The following INPP5A variants were observed in gnomAD, a reference collection of about 807,000 sequenced individuals.
The protein encoded by INPP5A is inositol polyphosphate-5-phosphatase A, also known as 43 kDa inositol polyphosphate 5-phophatase.
A neutral mutation model predicts 65.2 loss-of-function variants in INPP5A; 14 were observed. The observed-to-expected ratio is 0.21, with a 90% CI of 0.14 to 0.34. The LOEUF is 0.34. Ranked by LOEUF, INPP5A falls within the 10% of genes least tolerant of loss-of-function variation. The pLI, the probability that INPP5A is intolerant of heterozygous loss-of-function variation, is 1.00. For missense variants in INPP5A, 431 were observed against 545.6 expected, an observed-to-expected ratio of 0.79 and a Z score of 2.09; for synonymous variants, 207 against 208.3, an observed-to-expected ratio of 0.99 and a Z score of 0.05.
rs2071878405 is a variant in INPP5A at position 132,607,785 on chromosome 10, C to T, written c.76-130C>T. 7 of 888,544 alleles carry T rather than the reference C, an allele frequency of 7.9e-6. No homozygotes were observed. The Admixed American group carries it at 1.0e-4, about 13-fold the overall frequency. The allele number at this position is 888,544 out of a possible 1,614,324, so 55.0% of individuals were successfully genotyped here. On this transcript the variant is annotated intron_variant, in intron 1 of 15. Transcript: ENST00000368594. ...GGGTTTCCCCGTGCGGGTGGAGCTC[C>T]TCCATGCGGGGTGGGCCCGGGCTGC...
At chr10:132,641,318 C>T (rs1159334964) in intron 2 of INPP5A, among the ~76,000 whole-genome samples, 1 of 152,222 alleles carries the variant, frequency 6.6e-6, no homozygotes, top group African/African-American at 2.4e-5. Flanking sequence ...CTCTCAGGCT[C>T]ATTATGTACT....
At chr10:132,660,289 C>G (rs1230766933) in intron 4 of INPP5A, among the ~76,000 whole-genome samples, 2 of 152,100 alleles carry the variant, frequency 1.3e-5, no homozygotes, top group Non-Finnish European at 2.9e-5. Flanking sequence ...GCAATATAAG[C>G]TTTAGAGGTA....
intron 2 of INPP5A, among the ~76,000 whole-genome samples, chr10:132,608,238 C>G (rs1290555158): frequency 1.3e-5 from 2 of 152,234 alleles, no homozygotes; most frequent in African/African-American, 4.8e-5. Context: ...ATCAGAGAAC[C>G]TGGGGGCTCC....
At chr10:132,780,981 G>A in intron 14 of INPP5A, 64 bp downstream of exon 14, 7 of 1,200,526 alleles carry the variant, frequency 5.8e-6, no homozygotes, top group Non-Finnish European at 8.5e-6. Context: ...GGGCCGGGGG[G>A]CTGGGGCCAG....
intron 8 of INPP5A, among the ~76,000 whole-genome samples, chr10:132,712,350 C>CGT (rs377374632): frequency 1.2e-4 from 18 of 150,836 alleles, no homozygotes; most frequent in Middle Eastern, 3.5e-3. Context: ...CGCACATCTG[C>CGT]GTGTGTGTGT....
At chr10:132,710,487 CGGGCAAGTAGGTGTGCT>C in intron 8 of INPP5A, 31 bp downstream of exon 8, 1 of 1,602,502 alleles carries the variant, frequency 6.2e-7, no homozygotes, top group South Asian at 1.1e-5. Context: ...AGGCGTGGGC[CGGGCAAGTAGGTGTGCT>C]GGGCAGGCAG....
intron 13 of INPP5A, among the ~76,000 whole-genome samples, chr10:132,778,702 G>C (rs1847105604): frequency 6.6e-6 from 1 of 152,166 alleles, no homozygotes; most frequent in Non-Finnish European, 1.5e-5. Flanking sequence ...TGCCAGCCTG[G>C]TGGGCTCTGC....
intron 1 of INPP5A, among the ~76,000 whole-genome samples, chr10:132,562,965 G>A (rs2071224699): frequency 1.3e-5 from 2 of 152,174 alleles, no homozygotes; most frequent in African/African-American, 2.4e-5. Flanking sequence ...TGGCCATGCC[G>A]GCTGCTCTGC....
chr10:132,611,657 G>A (rs373656566), intron 2 of INPP5A, among the ~76,000 whole-genome samples: 98 of 128,572 alleles, frequency 7.6e-4, no homozygotes, highest in African/African-American at 2.6e-3. Flanking sequence ...GAGGTGGGCA[G>A]GGGAGAGGCC....
At chr10:132,608,865 G>A (rs2071900367) in intron 2 of INPP5A, among the ~76,000 whole-genome samples, 2 of 152,206 alleles carry the variant, frequency 1.3e-5, no homozygotes, top group African/African-American at 4.8e-5. Flanking sequence ...CTCTGTGAGG[G>A]CATGGGGGTG....
At chr10:132,574,665 ATTTTAT>A (rs1277713349) in intron 1 of INPP5A, among the ~76,000 whole-genome samples, 1 of 104,890 alleles carries the variant, frequency 9.5e-6, no homozygotes, top group African/African-American at 3.8e-5. Flanking sequence ...ATTTTATTTT[ATTTTAT>A]TTTTTGTAGA....
At chr10:132,541,030 G>A (rs1253603137) in intron 1 of INPP5A, among the ~76,000 whole-genome samples, 1 of 146,090 alleles carries the variant, frequency 6.8e-6, no homozygotes, top group Non-Finnish European at 1.5e-5. Flanking sequence ...TCATTCTGTC[G>A]CCCAGGCTAG....
rs530470156 is a variant in INPP5A at position 132,771,655 on chromosome 10, C to T, written c.977+5809C>T. ...CTGACACGGAGGCCCCGGCAGCCGC[C>T]CCGCGAAGAGTGGGACAGACACTCA... On this transcript the variant is annotated intron_variant, in intron 12 of 15. Transcript: ENST00000368594. Among the ~76,000 whole-genome samples the T allele has an allele frequency of 2.0e-3, 288 of 145,854 alleles. 1 individual carries two copies. The highest frequency in any genetic ancestry group is 6.7e-3 in the African/African-American group (272 of 40,400).
chr10:132,694,078 G>A (rs556822042), intron 5 of INPP5A, among the ~76,000 whole-genome samples: 12 of 152,146 alleles, frequency 7.9e-5, no homozygotes, highest in Non-Finnish European at 1.3e-4. Flanking sequence ...CAGAATCTAC[G>A]TTTTTGTCAA....
intron 8 of INPP5A, among the ~76,000 whole-genome samples, chr10:132,716,486 C>T (rs1248400023): frequency 4.6e-5 from 7 of 152,238 alleles, no homozygotes; most frequent in African/African-American, 1.7e-4. Flanking sequence ...GCTCCAGCCA[C>T]GGTGCTCGGT....
intron 1 of INPP5A, among the ~76,000 whole-genome samples, chr10:132,574,621 T>A (rs549563960): frequency 3.1e-4 from 43 of 139,608 alleles, no homozygotes; most frequent in East Asian, 2.1e-3. Context: ...CTTTTTTTTT[T>A]AATTTTGTAT....
At chr10:132,736,531 C>T (rs563286548) in intron 9 of INPP5A, among the ~76,000 whole-genome samples, 3 of 152,286 alleles carry the variant, frequency 2.0e-5, no homozygotes, top group African/African-American at 4.8e-5. Flanking sequence ...GGAGACACCC[C>T]GAGAGCCGGG....
At position 132,637,289 on chromosome 10, in the gene INPP5A, T is replaced by C. The variant is rs570907572; in HGVS notation, c.118-8579T>C. Among the ~76,000 whole-genome samples the C allele has an allele frequency of 5.9e-5, 9 of 152,334 alleles. No homozygotes were observed. The East Asian group carries it at 1.5e-3, about 26-fold the overall frequency. On this transcript the variant is annotated intron_variant, in intron 2 of 15. Coordinates refer to ENST00000368594, the MANE Select transcript of INPP5A (RefSeq NM_005539.5). The surrounding 1 kb of genome is among the most constrained non-coding windows in gnomAD (Gnocchi z 4.1). ...TCTTTGAAATCTTGGAGTTGATTACTTTGGGTTAATTTTCTGAAGTATTCA... is the reference window on the plus strand; with the variant it reads ...TCTTTGAAATCTTGGAGTTGATTACCTTGGGTTAATTTTCTGAAGTATTCA...
intron 1 of INPP5A, among the ~76,000 whole-genome samples, chr10:132,562,956 G>A (rs1166729382): frequency 6.6e-6 from 1 of 152,200 alleles, no homozygotes; most frequent in Non-Finnish European, 1.5e-5. Context: ...GCTCTTCCCT[G>A]GCCATGCCGG....
Sources: allele counts gnomAD v4.1 joint callset (sites outside exome capture counted in the v4.1 genomes callset), GRCh38; gene constraint gnomAD v4.1.1; non-coding constraint Gnocchi (gnomAD v3.1); transcripts MANE v1.5; gene names NCBI Gene and HGNC (gene_info 2026-07-23, HGNC 2026-07-21).